The following SBSPON variants were observed in gnomAD, a reference collection of about 807,000 sequenced individuals.
SBSPON encodes the protein somatomedin B and thrombospondin type 1 domain containing.
Under a neutral mutation model 35.8 loss-of-function variants are expected in SBSPON, and 30 were observed. The ratio of observed to expected loss-of-function variants is 0.84; its 90% confidence interval spans 0.63 to 1.14. SBSPON has a LOEUF of 1.14. Ranked by LOEUF, SBSPON falls within the 50% of genes most tolerant of loss-of-function variation. The pLI is 0.00. For missense variants in SBSPON, 364 were observed against 357.7 expected, an observed-to-expected ratio of 1.02 and a Z score of -0.14; for synonymous variants, 136 against 135.9, an observed-to-expected ratio of 1.00 and a Z score of 0.00.
At chr8:73,077,680 G>A (rs1025320451) in intron 2 of SBSPON, among the ~76,000 whole-genome samples, 2 of 152,186 alleles carry the variant, frequency 1.3e-5, no homozygotes, top group Non-Finnish European at 2.9e-5. Flanking sequence ...AGGGCCTGGG[G>A]CCCATGGAGA....
In SBSPON at chr8:73,067,337, C is replaced by A. The variant is rs1367254405; in HGVS notation, c.*4G>T. On this transcript the variant is annotated 3_prime_UTR_variant, in exon 5 of 5. Transcript: ENST00000297354. ...AATGCATTTGGAAATATTTATATCA[C>A]CATCTATATAAAAATAAAACTGTGA... The A allele has an allele frequency of 2.2e-6, 3 of 1,388,934 alleles. No homozygotes were observed. The highest frequency in any genetic ancestry group is 1.2e-5 in the South Asian group (1 of 86,458). 86.0% of individuals were successfully genotyped at this position (1,388,934 alleles called of 1,614,324 possible). A position where few individuals can be genotyped will look rare whatever the true frequency, so the allele number is the denominator to read the frequency against.
chr8:73,074,365 C>T lies in SBSPON; in HGVS notation c.410-2495G>A, dbSNP rs143436183. Among the ~76,000 whole-genome samples, 461 of 152,278 alleles carry T rather than the reference C, an allele frequency of 3.0e-3. 1 individual carries two copies. Among genetic ancestry groups the T allele is most frequent in the Non-Finnish European group, 4.1e-3 (282 of 68,024 alleles). ...AAGGTTCTATAATAATAAAAATACGCACTTCTAAGTTTCCAGGGACAACTC... is the reference window on the plus strand; with the variant it reads ...AAGGTTCTATAATAATAAAAATACGTACTTCTAAGTTTCCAGGGACAACTC... On this transcript the variant is annotated intron_variant, in intron 2 of 4. Coordinates refer to ENST00000297354, the MANE Select transcript of SBSPON (RefSeq NM_153225.4).
intron 2 of SBSPON, among the ~76,000 whole-genome samples, chr8:73,072,436 T>C (rs1034966625): frequency 1.3e-5 from 2 of 151,824 alleles, no homozygotes; most frequent in Admixed American, 6.6e-5. Context: ...TGGGAGGCCA[T>C]GGTGGGTGGA....
intron 2 of SBSPON, among the ~76,000 whole-genome samples, chr8:73,077,746 T>C (rs1046843422): frequency 3.9e-5 from 6 of 152,186 alleles, no homozygotes; most frequent in Admixed American, 3.9e-4. Context: ...TGTTTTCCTC[T>C]AGTAAGCCAT....
At chr8:73,078,877 G>C (rs910784442) in intron 2 of SBSPON, among the ~76,000 whole-genome samples, 21 of 151,918 alleles carry the variant, frequency 1.4e-4, no homozygotes, top group Admixed American at 4.6e-4. Context: ...TCTTCTCCCC[G>C]GCAAAGAACA....
chr8:73,089,720 T>G (rs1230445684), intron 1 of SBSPON, among the ~76,000 whole-genome samples: 4 of 152,208 alleles, frequency 2.6e-5, no homozygotes, highest in Admixed American at 2.6e-4. Context: ...TTTAATCAAA[T>G]GAAATATTCT....
rs772703600 is a variant in SBSPON at position 73,092,813 on chromosome 8, A to T, written c.214+41T>A. ...GCCCTGCCCTGTGCCCGTTGGTTGC[A>T]GGCTAACGGCCGGCGCCCCACTCTC... On this transcript the variant is annotated intron_variant, in intron 1 of 4. Transcript: ENST00000297354. 5.9e-6 allele frequency: 9 copies of T among 1,518,668 alleles called. No homozygotes were observed. In the Admixed American group the frequency reaches 1.5e-4, roughly 26 times the overall value. 94.1% of individuals were successfully genotyped at this position (1,518,668 alleles called of 1,614,324 possible). A position where few individuals can be genotyped will look rare whatever the true frequency, so the allele number is the denominator to read the frequency against.
At chr8:73,081,239 C>T (rs780554570) in intron 1 of SBSPON, 26 bp from the exon 2 acceptor site, 18 of 1,525,932 alleles carry the variant, frequency 1.2e-5, no homozygotes, top group Non-Finnish European at 1.3e-5. Context: ...ATAGGACGCT[C>T]ACCTGAGTAA....
At chr8:73,081,605 A>G (rs1183332781) in intron 1 of SBSPON, among the ~76,000 whole-genome samples, 5 of 151,998 alleles carry the variant, frequency 3.3e-5, no homozygotes, top group Non-Finnish European at 7.4e-5. Flanking sequence ...CATTTTTATT[A>G]TAACAAGACA....
chr8:73,093,030 C>T lies in SBSPON; in HGVS notation c.38G>A (p.Arg13Gln), dbSNP rs775503072. The change falls in exon 1 of 5, where the codon CGG (arginine) becomes CAG (glutamine). Residue 13 changes from arginine to glutamine, a missense_variant. By Grantham distance (43) the Arg-to-Gln change is conservative (BLOSUM62 1). Transcript: ENST00000297354. ...TLWMALCALS[R>Q]LWPGAQAGCA... is the part of the protein sequence containing the mutation. ...GCCGGCCTGGGCCCCGGGCCACAGC[C>T]GCGACAGCGCGCACAGCGCCATCCA... The T allele has an allele frequency of 7.2e-7, 1 of 1,387,828 alleles. No individual in the cohort carries two copies. The highest frequency in any genetic ancestry group is 1.7e-5 in the South Asian group (1 of 57,434). The allele number at this position is 1,387,828 out of a possible 1,614,324, so 86.0% of individuals were successfully genotyped here. A position where few individuals can be genotyped will look rare whatever the true frequency, so the allele number is the denominator to read the frequency against.
rs184512528 is a variant in SBSPON, at chr8:73,073,808, A to C, written c.410-1938T>G. Among the ~76,000 whole-genome samples the C allele has an allele frequency of 4.6e-3, 702 of 152,190 alleles. 7 individuals are homozygous for C. Among genetic ancestry groups the C allele is most frequent in the South Asian group, 0.011 (54 of 4,818 alleles). ...AACAGAGTAAGACCATCTCAAAAAAAAAAAACAAAAACAAAAACAAAAAAA... is the reference window on the plus strand; with the variant it reads ...AACAGAGTAAGACCATCTCAAAAAACAAAAACAAAAACAAAAACAAAAAAA... On this transcript the variant is annotated intron_variant, in intron 2 of 4. Coordinates refer to ENST00000297354, the MANE Select transcript of SBSPON (RefSeq NM_153225.4).
chr8:73,070,117 C>A, intron 3 of SBSPON, 136 bp from the exon 4 acceptor site: 2 of 539,506 alleles, frequency 3.7e-6, no homozygotes, highest in South Asian at 5.6e-5. Flanking sequence ...TCACAAGTTA[C>A]GTGTCAATCA....
chr8:73,073,801 CA>C (rs548358079), intron 2 of SBSPON, among the ~76,000 whole-genome samples: 9,332 of 118,212 alleles, frequency 0.079, 357 homozygotes, highest in African/African-American at 0.13. Flanking sequence ...AAGACCATCT[CA>C]AAAAAAAAAA....
At chr8:73,092,550 T>C (rs769606318) in intron 1 of SBSPON, among the ~76,000 whole-genome samples, 1 of 152,154 alleles carries the variant, frequency 6.6e-6, no homozygotes, top group Non-Finnish European at 1.5e-5. Flanking sequence ...CTGGAGTTTC[T>C]GAGTCGGAGA....
chr8:73,077,046 A>G (rs763838223), intron 2 of SBSPON, among the ~76,000 whole-genome samples: 11 of 152,170 alleles, frequency 7.2e-5, no homozygotes, highest in Non-Finnish European at 1.5e-4. Context: ...AGGTAAGATT[A>G]CAGGTATATG....
intron 1 of SBSPON, chr8:73,085,704 T>C (rs1283490470): frequency 6.6e-6 from 1 of 152,182 alleles, no homozygotes; most frequent in Non-Finnish European, 1.5e-5. Context: ...AAAATATATA[T>C]ATTTTTTCAA....
At chr8:73,083,246 A>G (rs1307795524) in intron 1 of SBSPON, among the ~76,000 whole-genome samples, 1 of 152,180 alleles carries the variant, frequency 6.6e-6, no homozygotes, top group Non-Finnish European at 1.5e-5. Flanking sequence ...TGTTTTTCCA[A>G]TCCATGATTT....
At chr8:73,078,514 G>A (rs1810636700) in intron 2 of SBSPON, among the ~76,000 whole-genome samples, 1 of 152,134 alleles carries the variant, frequency 6.6e-6, no homozygotes, top group African/African-American at 2.4e-5. Flanking sequence ...GAGACCCAGG[G>A]CTGAGAAGGT....
At chr8:73,068,580 G>T (rs1374091980) in intron 4 of SBSPON, among the ~76,000 whole-genome samples, 1 of 152,304 alleles carries the variant, frequency 6.6e-6, no homozygotes, top group South Asian at 2.1e-4. Context: ...CACTAAATAA[G>T]TGCAGAACTG....
Sources: gnomAD v4.1 joint callset for allele counts (sites outside exome capture counted in the v4.1 genomes callset) on GRCh38, gnomAD v4.1.1 for gene constraint, MANE v1.5 for transcripts, NCBI Gene and HGNC (gene_info 2026-07-23, HGNC 2026-07-21) for gene names.